Variants in OGFOD3 observed in about 807,000 individuals in gnomAD.
OGFOD3 encodes the protein 2-oxoglutarate and iron-dependent oxygenase domain-containing protein 3.
In OGFOD3, 35 loss-of-function variants were observed where a neutral mutation model predicts 39.8. The ratio of observed to expected loss-of-function variants is 0.88; its 90% confidence interval spans 0.67 to 1.17. The LOEUF is 1.17. Among genes scored for constraint, OGFOD3 ranks in the 50% most tolerant of loss-of-function variants. OGFOD3 has a pLI of 0.00. For synonymous variants in OGFOD3, 200 were observed against 192.0 expected (o/e 1.04, Z -0.34); for missense variants, 438 against 454.5 (o/e 0.96, Z 0.33).
chr17:82,400,152 G>A (rs1185559838), intron 7 of OGFOD3, among the ~76,000 whole-genome samples: 3 of 152,128 alleles, frequency 2.0e-5, no homozygotes, highest in Non-Finnish European at 2.9e-5. Context: ...CACATAATCC[G>A]CTGTAAGGAA....
Position 82,418,441 on chromosome 17 carries a change from G to A in OGFOD3, c.45C>T (p.Asn15=). ...RRAATKAPEG[N]GAAERRNRSS... is the part of the protein sequence containing the mutation. ...TCCGGTTCCGGCGCTCGGCCGCTCC[G>A]TTGCCCTCGGGCGCCTTGGTTGCGG... is the stretch of plus-strand genomic sequence containing the variant. Residue 15 remains asparagine, a synonymous_variant, in exon 1 of 9, where the codon AAC becomes AAT. Coordinates refer to ENST00000313056, the MANE Select transcript of OGFOD3 (RefSeq NM_024648.3). 2 of 1,477,418 alleles carry A rather than the reference G, an allele frequency of 1.4e-6. No homozygotes were observed. Among genetic ancestry groups the A allele is most frequent in the Admixed American group, 2.3e-5 (1 of 44,038 alleles). The allele number at this position is 1,477,418 out of a possible 1,614,324, so 91.5% of individuals were successfully genotyped here.
intron 4 of OGFOD3, among the ~76,000 whole-genome samples, chr17:82,407,749 C>T (rs1317345274): frequency 6.6e-6 from 1 of 152,242 alleles, no homozygotes; most frequent in African/African-American, 2.4e-5. Context: ...TGCAGGACAA[C>T]TTCCCATGTG....
In OGFOD3 at chr17:82,415,363, G is replaced by A. The variant is rs781610543; in HGVS notation, c.304+35C>T. On this transcript the variant is annotated intron_variant, in intron 2 of 8. Transcript: ENST00000313056. The surrounding 1 kb of genome is among the most constrained non-coding windows in gnomAD (Gnocchi z 5.3). ...GCAGCCAATGTCCTTTAACCACACT[G>A]AGTCTCATTTTAAAGTGTTGCTTTC... 8 of 1,586,436 alleles carry A rather than the reference G, an allele frequency of 5.0e-6. No homozygotes were observed. The African/African-American group carries it at 9.4e-5, about 19-fold the overall frequency.
intron 5 of OGFOD3, among the ~76,000 whole-genome samples, chr17:82,405,813 G>A (rs2052846021): frequency 6.6e-6 from 1 of 152,290 alleles, no homozygotes; most frequent in Non-Finnish European, 1.5e-5. Context: ...AGCTGGGCGT[G>A]GTGGTGCGTG....
intron 8 of OGFOD3, chr17:82,394,587 A>G (rs1195871036): frequency 1.3e-6 from 2 of 1,531,838 alleles, no homozygotes; most frequent in African/African-American, 2.7e-5. Flanking sequence ...GGTTGACTCC[A>G]GGGGCCTGGG....
At position 82,389,730 on chromosome 17, in the gene OGFOD3, C is replaced by T. The variant is rs1373409876; in HGVS notation, c.*2668G>A. On this transcript the variant is annotated 3_prime_UTR_variant, in exon 9 of 9. Transcript: ENST00000313056. The surrounding 1 kb of genome is among the most constrained non-coding windows in gnomAD (Gnocchi z 4.6). Reference sequence around the variant, plus strand: ...ATGTTGCACAGATGGGTCTCCAACTCCTGGGCTCAAGTGATCTTCCTACCT... The same window carrying T: ...ATGTTGCACAGATGGGTCTCCAACTTCTGGGCTCAAGTGATCTTCCTACCT... The T allele has an allele frequency of 6.6e-6, 1 of 152,208 alleles. No individual in the cohort carries two copies. Among genetic ancestry groups the T allele is most frequent in the Non-Finnish European group, 1.5e-5 (1 of 68,056 alleles). 9.4% of individuals were successfully genotyped at this position (152,208 alleles called of 1,614,324 possible). A position where few individuals can be genotyped will look rare whatever the true frequency, so the allele number is the denominator to read the frequency against.
chr17:82,398,667 G>A (rs1441830259), intron 7 of OGFOD3, among the ~76,000 whole-genome samples: 1 of 151,864 alleles, frequency 6.6e-6, no homozygotes, highest in African/African-American at 2.4e-5. Context: ...CCAAAGTGCT[G>A]GGATTACGGG....
chr17:82,403,885 G>A, intron 7 of OGFOD3, 52 bp downstream of exon 7: 4 of 1,548,254 alleles, frequency 2.6e-6, no homozygotes, highest in Middle Eastern at 2.1e-4. Flanking sequence ...GTGCCCACGG[G>A]CACGCTCACC....
In OGFOD3 at chr17:82,404,824, T is replaced by TCCA. The variant is rs1001114741; in HGVS notation, c.545+497_545+499dup. 6.9e-6 allele frequency among the ~76,000 whole-genome samples: 1 copy of TCCA among 144,948 alleles called. No individual in the cohort carries two copies. Among genetic ancestry groups the TCCA allele is most frequent in the Non-Finnish European group, 1.5e-5 (1 of 66,796 alleles). On this transcript the variant is annotated intron_variant, in intron 6 of 8. Coordinates refer to ENST00000313056, the MANE Select transcript of OGFOD3 (RefSeq NM_024648.3). This position sits in a 1 kb window ranked among gnomAD's most constrained non-coding sequence, Gnocchi z 4.5. Reference sequence around the variant, plus strand: ...GGTGCAATCTCAGCTCACTGCAACCTCCACCTCCGGGGTTTAAGCAATTGT... The same window carrying TCCA: ...GGTGCAATCTCAGCTCACTGCAACCTCCACCACCTCCGGGGTTTAAGCAATTGT...
chr17:82,406,574 T>C lies in OGFOD3; in HGVS notation c.424-92A>G, dbSNP rs779760360. ...ATGGTAAATGCGAGTTTCCAAGGTC[T>C]GGCCAGCACACACCTCAGGTGTTTT... On this transcript the variant is annotated intron_variant, in intron 4 of 8. Coordinates refer to ENST00000313056, the MANE Select transcript of OGFOD3 (RefSeq NM_024648.3). The surrounding 1 kb of genome is among the most constrained non-coding windows in gnomAD (Gnocchi z 5.2). The C allele has an allele frequency of 9.4e-7, 1 of 1,067,590 alleles. No homozygotes were observed. The highest frequency in any genetic ancestry group is 1.5e-6 in the Non-Finnish European group (1 of 687,970). The allele number at this position is 1,067,590 out of a possible 1,614,324, so 66.1% of individuals were successfully genotyped here. A position where few individuals can be genotyped will look rare whatever the true frequency, so the allele number is the denominator to read the frequency against.
chr17:82,418,549 CAG>C lies in OGFOD3; in HGVS notation c.-66_-65del. On this transcript the variant is annotated 5_prime_UTR_variant, in exon 1 of 9. Transcript: ENST00000313056. Reference sequence around the variant, plus strand: ...CCAGGCCCGGGGACGAACGCCGTAACAGGGAGCGCGAGGCAGGCACGGCGCAG... The same window carrying C: ...CCAGGCCCGGGGACGAACGCCGTAACGGAGCGCGAGGCAGGCACGGCGCAG... The C allele has an allele frequency of 1.1e-5, 10 of 948,904 alleles. No homozygotes were observed. In the South Asian group the frequency reaches 2.6e-4, roughly 25 times the overall value. The allele number at this position is 948,904 out of a possible 1,614,324, so 58.8% of individuals were successfully genotyped here.
intron 4 of OGFOD3, among the ~76,000 whole-genome samples, chr17:82,408,502 G>A (rs891763216): frequency 6.6e-6 from 1 of 152,106 alleles, no homozygotes; most frequent in Non-Finnish European, 1.5e-5. Flanking sequence ...TGATCCCTGC[G>A]GCTGTGGTAA....
chr17:82,407,571 C>T (rs2052875434), intron 4 of OGFOD3, among the ~76,000 whole-genome samples: 1 of 152,232 alleles, frequency 6.6e-6, no homozygotes, highest in Non-Finnish European at 1.5e-5. Context: ...TTCCCTACGT[C>T]CTCAGAGGAA....
intron 5 of OGFOD3, 83 bp from the exon 6 acceptor site, chr17:82,405,463 G>T: frequency 8.4e-7 from 1 of 1,186,052 alleles, no homozygotes; most frequent in Non-Finnish European, 1.3e-6. Context: ...CATTCCTCAA[G>T]TCCCTGAAAA....
At position 82,404,932 on chromosome 17, in the gene OGFOD3, G is replaced by C. The variant is rs1484131934; in HGVS notation, c.545+392C>G. ...ATTTTTGTACTTTTAGTAAAGATGGGGTTTCACCATGTTGGCTAGGCTGGT... is the reference window on the plus strand; with the variant it reads ...ATTTTTGTACTTTTAGTAAAGATGGCGTTTCACCATGTTGGCTAGGCTGGT... On this transcript the variant is annotated intron_variant, in intron 6 of 8. Transcript: ENST00000313056. The surrounding 1 kb of genome is among the most constrained non-coding windows in gnomAD (Gnocchi z 4.5). 1.3e-5 allele frequency among the ~76,000 whole-genome samples: 2 copies of C among 151,962 alleles called. No individual in the cohort carries two copies. Among genetic ancestry groups the C allele is most frequent in the African/African-American group, 2.4e-5 (1 of 41,370 alleles).
At chr17:82,405,613 G>A (rs1308495908) in intron 5 of OGFOD3, among the ~76,000 whole-genome samples, 1 of 152,174 alleles carries the variant, frequency 6.6e-6, no homozygotes, top group Non-Finnish European at 1.5e-5. Flanking sequence ...TCAGGAATTC[G>A]AGACCATCCT....
chr17:82,410,332 C>G (rs1331035774), intron 3 of OGFOD3, among the ~76,000 whole-genome samples: 1 of 152,366 alleles, frequency 6.6e-6, no homozygotes, highest in Admixed American at 6.5e-5. Flanking sequence ...GCACGTGGCC[C>G]AGGGCTGCAC....
chr17:82,411,663 C>T (rs1194705092), intron 2 of OGFOD3, 133 bp from the exon 3 acceptor site: 12 of 686,364 alleles, frequency 1.7e-5, no homozygotes, highest in African/African-American at 5.3e-5. Context: ...CACAGCTCTC[C>T]AGCGTGCATG....
intron 8 of OGFOD3, chr17:82,396,633 G>A (rs2052678107): frequency 2.0e-5 from 3 of 152,208 alleles, no homozygotes; most frequent in Admixed American, 2.0e-4. Flanking sequence ...AAATGACTAA[G>A]ATCAAAATAT....
Sources: gnomAD v4.1 joint callset for allele counts (sites outside exome capture counted in the v4.1 genomes callset) on GRCh38, gnomAD v4.1.1 for gene constraint, Gnocchi (gnomAD v3.1) non-coding constraint, MANE v1.5 for transcripts, NCBI Gene and HGNC (gene_info 2026-07-23, HGNC 2026-07-21) for gene names.